AMOTL1: variants seen among roughly 807,000 people sequenced by gnomAD.
AMOTL1 encodes angiomotin-like protein 1.
In AMOTL1, 45 loss-of-function variants were observed where a neutral mutation model predicts 102.9. The observed-to-expected ratio is 0.44, with a 90% CI of 0.34 to 0.56. The LOEUF is 0.56. Ranked by LOEUF, AMOTL1 falls within the 20% of genes least tolerant of loss-of-function variation. The probability of loss-of-function intolerance (pLI) is 0.01; values close to 1 mark genes in which losing one functional copy is unlikely to be tolerated. For missense variants in AMOTL1, 1,114 were observed against 1,225.6 expected (o/e 0.91, Z 1.36); for synonymous variants, 481 against 484.7 (o/e 0.99, Z 0.10).
intron 1 of AMOTL1, among the ~76,000 whole-genome samples, chr11:94,785,264 A>G (rs1951168377): frequency 6.6e-6 from 1 of 152,182 alleles, no homozygotes; most frequent in Admixed American, 6.5e-5. Context: ...AAAGACTTAC[A>G]ATTAGTTTGC....
intron 8 of AMOTL1, among the ~76,000 whole-genome samples, chr11:94,855,574 G>T (rs1013342396): frequency 6.6e-6 from 1 of 152,144 alleles, no homozygotes; most frequent in Admixed American, 6.5e-5. Context: ...GCACATCTCG[G>T]TTCTTAGAGC....
chr11:94,743,238 G>A (rs1329916800), intron 3 of AMOTL1, among the ~76,000 whole-genome samples: 3 of 152,126 alleles, frequency 2.0e-5, no homozygotes, highest in Non-Finnish European at 2.9e-5. Flanking sequence ...TCCCTAAGGC[G>A]TCTTCCAGTT....
At chr11:94,817,504 A>G (rs867903910) in intron 3 of AMOTL1, among the ~76,000 whole-genome samples, 3 of 152,188 alleles carry the variant, frequency 2.0e-5, no homozygotes, top group African/African-American at 7.2e-5. Context: ...TAAATGTGTT[A>G]TTAGTATGTG....
At chr11:94,756,921 T>C (rs533341699) in intron 3 of AMOTL1, among the ~76,000 whole-genome samples, 2 of 152,308 alleles carry the variant, frequency 1.3e-5, no homozygotes, top group South Asian at 4.1e-4. Flanking sequence ...TGAGTTTATA[T>C]CAATCAGTTA....
intron 1 of AMOTL1, among the ~76,000 whole-genome samples, chr11:94,721,198 T>C (rs1190163524): frequency 2.0e-5 from 3 of 152,122 alleles, no homozygotes; most frequent in African/African-American, 7.2e-5. Flanking sequence ...GAAATGTGGA[T>C]AGTCCAAGTG....
At chr11:94,796,615 G>T (rs12421513) in intron 2 of AMOTL1, among the ~76,000 whole-genome samples, 14,444 of 152,138 alleles carry the variant, frequency 0.095, 1,260 homozygotes, top group East Asian at 0.28. Flanking sequence ...AAGAACGGAT[G>T]GGATGGGGGA....
chr11:94,771,497 G>A (rs567856401), intron 1 of AMOTL1, among the ~76,000 whole-genome samples: 1 of 152,172 alleles, frequency 6.6e-6, no homozygotes, highest in Admixed American at 6.5e-5. Flanking sequence ...GGTTGTTGTG[G>A]TTTTATGTTT....
chr11:94,708,448 C>G (rs1429349921), intron 1 of AMOTL1, among the ~76,000 whole-genome samples: 1 of 152,210 alleles, frequency 6.6e-6, no homozygotes, highest in African/African-American at 2.4e-5. Context: ...TTCTCCACCT[C>G]CCGGTATGGC....
At chr11:94,753,364 G>A (rs1277477686) in intron 3 of AMOTL1, among the ~76,000 whole-genome samples, 22 of 143,568 alleles carry the variant, frequency 1.5e-4, no homozygotes, top group African/African-American at 4.5e-4. Flanking sequence ...CTCAAGTATG[G>A]CTTCTTACCC....
At chr11:94,762,961 G>T (rs2135503731) in intron 3 of AMOTL1, among the ~76,000 whole-genome samples, 1 of 152,314 alleles carries the variant, frequency 6.6e-6, no homozygotes, top group South Asian at 2.1e-4. Flanking sequence ...TACCTATGTA[G>T]CATGGTAGCA....
At chr11:94,773,806 G>T (rs1010473846) in intron 1 of AMOTL1, among the ~76,000 whole-genome samples, 2 of 152,170 alleles carry the variant, frequency 1.3e-5, no homozygotes, top group African/African-American at 4.8e-5. Context: ...AAAAGAAGGT[G>T]AAAACACAGT....
chr11:94,756,374 C>T (rs900302164), intron 3 of AMOTL1, among the ~76,000 whole-genome samples: 2 of 152,210 alleles, frequency 1.3e-5, no homozygotes, highest in African/African-American at 4.8e-5. Context: ...TGCCCTCCTC[C>T]TGTATCATTA....
intron 1 of AMOTL1, among the ~76,000 whole-genome samples, chr11:94,721,542 G>A (rs1950174351): frequency 1.3e-5 from 2 of 152,018 alleles, no homozygotes; most frequent in Admixed American, 6.6e-5. Context: ...TGATGGAATT[G>A]GTATCCTTAT....
intron 5 of AMOTL1, 63 bp downstream of exon 5, chr11:94,830,257 C>T (rs908624350): frequency 6.8e-7 from 1 of 1,467,394 alleles, no homozygotes; most frequent in South Asian, 1.4e-5. Context: ...GCTAAAAGCA[C>T]GACTTCAAGG....
chr11:94,855,180 A>T (rs1286631584), intron 8 of AMOTL1, among the ~76,000 whole-genome samples: 1 of 152,212 alleles, frequency 6.6e-6, no homozygotes, highest in Non-Finnish European at 1.5e-5. Context: ...TGGTTGAAAC[A>T]CTTGAAAACA....
At chr11:94,836,715 TA>T (rs943868349) in intron 6 of AMOTL1, among the ~76,000 whole-genome samples, 1 of 152,102 alleles carries the variant, frequency 6.6e-6, no homozygotes, top group South Asian at 2.1e-4. Flanking sequence ...AAAAGCAATT[TA>T]AAAATAGCTG....
At chr11:94,842,919 T>A (rs1952336109) in intron 6 of AMOTL1, among the ~76,000 whole-genome samples, 1 of 152,172 alleles carries the variant, frequency 6.6e-6, no homozygotes, top group African/African-American at 2.4e-5. Context: ...ACATAACTCA[T>A]TTAAAAACAC....
rs551795080 is a variant in AMOTL1 at position 94,742,360 on chromosome 11, C to T, written c.136+1372C>T. ...CCAGCATTGACACTCCACAGTGCGA[C>T]GAAGCCATTTGGTCCTCTTAAATTG... On this transcript the variant is annotated intron_variant, in intron 3 of 4. Coordinates refer to the AMOTL1 transcript ENST00000299004. Among the ~76,000 whole-genome samples the T allele has an allele frequency of 2.0e-3, 299 of 152,312 alleles. 2 individuals carry two copies. Among genetic ancestry groups the T allele is most frequent in the African/African-American group, 6.7e-3 (277 of 41,572 alleles).
intron 3 of AMOTL1, among the ~76,000 whole-genome samples, chr11:94,814,220 G>T (rs1030717325): frequency 6.6e-6 from 1 of 152,200 alleles, no homozygotes; most frequent in African/African-American, 2.4e-5. Flanking sequence ...CTTGATGCCA[G>T]CATACGTCAT....
Sources: gnomAD v4.1 joint callset for allele counts (sites outside exome capture counted in the v4.1 genomes callset) on GRCh38, gnomAD v4.1.1 for gene constraint, MANE v1.5 for transcripts, NCBI Gene and HGNC (gene_info 2026-07-23, HGNC 2026-07-21) for gene names.